The following CST8 variants were observed in gnomAD, a reference collection of about 807,000 sequenced individuals.
CST8 encodes cystatin 8.
CST8 carries 20 observed loss-of-function variants against 11.8 expected under a neutral mutation model. The ratio of observed to expected loss-of-function variants is 1.70; its 90% CI spans 1.20 to 2.47. The LOEUF (loss-of-function observed/expected upper bound fraction) is 2.47. CST8 is among the 30% of genes most tolerant of loss of function. The pLI, the probability that CST8 is intolerant of heterozygous loss-of-function variation, is 0.00. For synonymous variants in CST8, 77 were observed against 63.1 expected, an observed-to-expected ratio of 1.22 and a Z score of -1.05; for missense variants, 196 against 167.2, an observed-to-expected ratio of 1.17 and a Z score of -0.95.
At chr20:23,501,184 C>T in the CST8 span, among the ~76,000 whole-genome samples, 1 of 152,234 alleles carries the variant, frequency 6.6e-6, no homozygotes, top group African/African-American at 2.4e-5. Flanking sequence ...AGTTATGTAA[C>T]TGACCTGGGA....
chr20:23,494,966 G>A (rs562674193), intron 3 of CST8, among the ~76,000 whole-genome samples: 5 of 151,888 alleles, frequency 3.3e-5, no homozygotes, highest in South Asian at 2.1e-4. Flanking sequence ...TCTCTCCCCC[G>A]CCCTCCATTC....
downstream of CST8, among the ~76,000 whole-genome samples, chr20:23,497,388 G>C (rs77769499): frequency 5.6e-3 from 851 of 152,312 alleles, 11 homozygotes; most frequent in African/African-American, 0.018. Context: ...TAACTCAGCA[G>C]GTTCCATCTG....
downstream of CST8, among the ~76,000 whole-genome samples, chr20:23,497,432 A>G (rs146625288): frequency 6.6e-6 from 1 of 152,322 alleles, no homozygotes; most frequent in Admixed American, 6.5e-5. Context: ...CTTCCTGTCT[A>G]AGAGTCCTGA....
chr20:23,500,635 G>A (rs936705699), downstream of CST8, among the ~76,000 whole-genome samples: 11 of 152,138 alleles, frequency 7.2e-5, no homozygotes, highest in Non-Finnish European at 1.6e-4. Context: ...CTGCAAAAAT[G>A]TCAGGGACAG....
chr20:23,495,517 T>G (rs1988014590), intron 3 of CST8, among the ~76,000 whole-genome samples: 2 of 152,226 alleles, frequency 1.3e-5, no homozygotes, highest in Admixed American at 1.3e-4. Flanking sequence ...TAGAATCATT[T>G]TATTTACATT....
chr20:23,496,444 G>A (rs926807670), downstream of CST8, among the ~76,000 whole-genome samples: 4 of 152,120 alleles, frequency 2.6e-5, no homozygotes, highest in African/African-American at 9.7e-5. Context: ...TGTACAAATA[G>A]GGTGGGGGTC....
chr20:23,501,398 G>A, the CST8 span, among the ~76,000 whole-genome samples: 1 of 152,240 alleles, frequency 6.6e-6, no homozygotes, highest in East Asian at 1.9e-4. Flanking sequence ...AGGGCATCAG[G>A]TTTGTCCGAT....
In CST8 at chr20:23,491,604, G is replaced by T; in HGVS notation, c.-64G>T. 7.6e-7 allele frequency: 1 copy of T among 1,309,126 alleles called. No individual in the cohort carries two copies. Among genetic ancestry groups the T allele is most frequent in the South Asian group, 1.2e-5 (1 of 82,038 alleles). 81.1% of individuals were successfully genotyped at this position (1,309,126 alleles called of 1,614,324 possible). The stretch of plus-strand genomic sequence containing the variant: ...GCAGCAGCTGCGGCCACCCCATCCT[G>T]CCCACAGCTCCAGCCCTGAGACGAC... On this transcript the variant is annotated 5_prime_UTR_variant, in exon 2 of 4. Transcript: ENST00000246012.
At chr20:23,501,358 A>T in the CST8 span, among the ~76,000 whole-genome samples, 13 of 152,320 alleles carry the variant, frequency 8.5e-5, no homozygotes, top group South Asian at 2.5e-3. Context: ...TGCAGTCTCC[A>T]TGTGAATCCC....
rs372313950 is a variant in CST8, at chr20:23,495,915, T to C, written c.*1T>C. 3.7e-6 allele frequency: 6 copies of C among 1,610,234 alleles called. No individual in the cohort carries two copies. The African/African-American group carries it at 6.7e-5, about 18-fold the overall frequency. On this transcript the variant is annotated 3_prime_UTR_variant, in exon 4 of 4. Coordinates refer to ENST00000246012, the MANE Select transcript of CST8 (RefSeq NM_005492.4). ...GGAGAAAAAGTGTGAAGATGCTTAA[T>C]GGTGTTTTGAGGCATCCCTCCAACC...
Position 23,495,722 on chromosome 20 carries a change from T to A in CST8, c.346-109T>A. 6.3e-6 allele frequency: 5 copies of A among 795,518 alleles called. No homozygotes were observed. The South Asian group carries it at 7.8e-5, about 12-fold the overall frequency. 49.3% of individuals were successfully genotyped at this position (795,518 alleles called of 1,614,324 possible). A position where few individuals can be genotyped will look rare whatever the true frequency, so the allele number is the denominator to read the frequency against. ...GCTCGCTCGAGAGTGGTGACCCATC[T>A]GTCAGCACACACCTAAACTGACACC... On this transcript the variant is annotated intron_variant, in intron 3 of 3. Transcript: ENST00000246012.
chr20:23,498,558 A>G (rs1041118191), downstream of CST8, among the ~76,000 whole-genome samples: 1 of 152,028 alleles, frequency 6.6e-6, no homozygotes, highest in Non-Finnish European at 1.5e-5. Context: ...CCCTGCCTTC[A>G]GGCAGCAGAG....
chr20:23,502,070 A>C, the CST8 span, among the ~76,000 whole-genome samples: 1 of 152,222 alleles, frequency 6.6e-6, no homozygotes, highest in Admixed American at 6.5e-5. Context: ...CTGTTCCAGA[A>C]GCAAGGTGAC....
chr20:23,495,786 T>C (rs1208725251), intron 3 of CST8, 45 bp from the exon 4 acceptor site: 1 of 1,303,912 alleles, frequency 7.7e-7, no homozygotes, highest in East Asian at 2.4e-5. Context: ...TTTTTTTTTT[T>C]TTTTTTGGCA....
intron 3 of CST8, among the ~76,000 whole-genome samples, chr20:23,494,863 T>C (rs1331392359): frequency 6.6e-6 from 1 of 152,338 alleles, no homozygotes; most frequent in African/African-American, 2.4e-5. Context: ...GCTTGTTATA[T>C]GTAAATTCGT....
At chr20:23,505,622 C>T in the CST8 span, among the ~76,000 whole-genome samples, 2 of 152,326 alleles carry the variant, frequency 1.3e-5, no homozygotes, top group East Asian at 3.9e-4. Context: ...TGGGGCCACA[C>T]ATGGTCTGAT....
chr20:23,499,489 G>C (rs1050082182), downstream of CST8, among the ~76,000 whole-genome samples: 4 of 152,210 alleles, frequency 2.6e-5, no homozygotes, highest in Admixed American at 2.6e-4. Context: ...TGAGCCCACT[G>C]TCACAGGGCC....
chr20:23,491,519 A>C lies in CST8; in HGVS notation c.-143-6A>C. The C allele has an allele frequency of 3.0e-6, 2 of 663,962 alleles. No homozygotes were observed. The highest frequency in any genetic ancestry group is 3.6e-5 in the South Asian group (2 of 55,028). The allele number at this position is 663,962 out of a possible 1,614,324, so 41.1% of individuals were successfully genotyped here. ...GAGTGACCCTAATGGCCTGTCTTGA[A>C]TCCAGCTGGGCTGACGCTAACAGGA... On this transcript the variant is annotated splice_region_variant and splice_polypyrimidine_tract_variant and intron_variant, in intron 1 of 3. Transcript: ENST00000246012.
intron 2 of CST8, among the ~76,000 whole-genome samples, chr20:23,492,515 A>G (rs2122186992): frequency 6.6e-6 from 1 of 152,314 alleles, no homozygotes; most frequent in East Asian, 1.9e-4. Context: ...GAGGTTTCAC[A>G]GGAATCTGAG....
Sources: gnomAD v4.1 joint callset for allele counts (sites outside exome capture counted in the v4.1 genomes callset) on GRCh38, gnomAD v4.1.1 for gene constraint, MANE v1.5 for transcripts, NCBI Gene and HGNC (gene_info 2026-07-23, HGNC 2026-07-21) for gene names.